GPNMB: variants seen among roughly 807,000 people sequenced by gnomAD.
GPNMB encodes glycoprotein nmb.
GPNMB carries 71 observed loss-of-function variants against 57.3 expected under a neutral mutation model. That is an observed-to-expected ratio of 1.24 (90% confidence interval 1.02 to 1.51). The LOEUF (loss-of-function observed/expected upper bound fraction) is 1.51. GPNMB is among the 40% of genes most tolerant of loss of function. The pLI, the probability that GPNMB is intolerant of heterozygous loss-of-function variation, is 0.00. For missense variants in GPNMB, 677 were observed against 691.9 expected, an observed-to-expected ratio of 0.98 and a Z score of 0.24; for synonymous variants, 253 against 263.2, an observed-to-expected ratio of 0.96 and a Z score of 0.38.
chr7:23,269,937 G>C, intron 8 of GPNMB, 30 bp from the exon 9 acceptor site: 1 of 1,535,284 alleles, frequency 6.5e-7, no homozygotes, highest in Admixed American at 1.7e-5. Flanking sequence ...TCTGTGCCCT[G>C]TGCGCCCTCG....
At chr7:23,248,774 G>C (rs1782595522) in intron 1 of GPNMB, among the ~76,000 whole-genome samples, 1 of 149,248 alleles carries the variant, frequency 6.7e-6, no homozygotes, top group African/African-American at 2.5e-5. Flanking sequence ...GCTTACTATT[G>C]GGTTTTTTTT....
chr7:23,260,050 G>T lies in GPNMB; in HGVS notation c.612G>T (p.Gly204=). The change falls in exon 5 of 11, where the codon GGG becomes GGT. Residue 204 remains glycine (G), a synonymous_variant. Coordinates refer to ENST00000258733, the MANE Select transcript of GPNMB (RefSeq NM_002510.3). ...TGAACACAGCCAATGTGACACTTGG[G>T]CCTCAACTCATGGAAGTGACTGTCT... is the stretch of plus-strand genomic sequence containing the variant. ...VSVNTANVTL[G]PQLMEVTVYR... 1 of 1,613,930 alleles carries T rather than the reference G, an allele frequency of 6.2e-7. No individual in the cohort carries two copies. The highest frequency in any genetic ancestry group is 8.5e-7 in the Non-Finnish European group (1 of 1,179,796).
intron 1 of GPNMB, 103 bp downstream of exon 1, chr7:23,247,030 G>A: frequency 1.1e-6 from 1 of 886,374 alleles, no homozygotes; most frequent in Non-Finnish European, 1.9e-6. Context: ...AAGTTCTTCA[G>A]GAAGCTTTCA....
intron 1 of GPNMB, among the ~76,000 whole-genome samples, chr7:23,248,256 G>A (rs199358): frequency 0.045 from 6,915 of 152,218 alleles, 236 homozygotes; most frequent in South Asian, 0.1. Flanking sequence ...CCCACCCTCA[G>A]GATACCTCCC....
chr7:23,264,358 A>G lies in GPNMB; in HGVS notation c.1019-2159A>G, dbSNP rs1783007256. Among the ~76,000 whole-genome samples, 3 of 151,922 alleles carry G rather than the reference A, an allele frequency of 2.0e-5. No homozygotes were observed. The South Asian group carries it at 6.2e-4, about 32-fold the overall frequency. ...AGACACAATGTTTGCGAAGCTCCAT[A>G]TGCTTTTTTATTTTTATTTTTATTT... On this transcript the variant is annotated intron_variant, in intron 6 of 10. Transcript: ENST00000258733.
intron 8 of GPNMB, among the ~76,000 whole-genome samples, chr7:23,268,419 C>G (rs1783122086): frequency 6.6e-6 from 1 of 152,148 alleles, no homozygotes; most frequent in Non-Finnish European, 1.5e-5. Context: ...CTCTTAAGCT[C>G]CCAGGTAGTT....
In GPNMB at chr7:23,262,071, T is replaced by C. The variant is rs535445344; in HGVS notation, c.1018+1298T>C. On this transcript the variant is annotated intron_variant, in intron 6 of 10. Coordinates refer to ENST00000258733, the MANE Select transcript of GPNMB (RefSeq NM_002510.3). ...GGACCAAGCCCACGACGGTCCATCA[T>C]GACGTCTGGGGCTTCTTGTTTTTAC... is the stretch of plus-strand genomic sequence containing the variant. 1.2e-3 allele frequency among the ~76,000 whole-genome samples: 187 copies of C among 152,214 alleles called. 2 individuals carry two copies. The highest frequency in any genetic ancestry group is 0.011 in the East Asian group (55 of 5,188).
intron 5 of GPNMB, 27 bp downstream of exon 5, chr7:23,260,165 A>C (rs147861868): frequency 6.2e-7 from 1 of 1,610,094 alleles, no homozygotes; most frequent in Non-Finnish European, 8.5e-7. Context: ...CTAACTGAGG[A>C]TGAGGCACTT....
At chr7:23,258,680 C>G (rs1401201908) in intron 4 of GPNMB, among the ~76,000 whole-genome samples, 1 of 152,182 alleles carries the variant, frequency 6.6e-6, no homozygotes, top group African/African-American at 2.4e-5. Flanking sequence ...GATATTCTCC[C>G]TCAACTAAGT....
chr7:23,262,916 G>T (rs147845053), intron 6 of GPNMB, among the ~76,000 whole-genome samples: 1 of 151,936 alleles, frequency 6.6e-6, no homozygotes, highest in Non-Finnish European at 1.5e-5. Context: ...CACTGTGCCC[G>T]GCCCACCATT....
chr7:23,256,027 G>A (rs777494905), intron 3 of GPNMB, among the ~76,000 whole-genome samples: 20 of 151,804 alleles, frequency 1.3e-4, no homozygotes, highest in Non-Finnish European at 2.8e-4. Context: ...CTGCCTCGGC[G>A]TCCCAAGTAG....
intron 1 of GPNMB, chr7:23,250,659 C>T (rs966235173): frequency 6.6e-6 from 1 of 152,096 alleles, no homozygotes; most frequent in Non-Finnish European, 1.5e-5. Flanking sequence ...TCCCTTGTAA[C>T]TCTCCTTTTA....
chr7:23,256,856 A>G, intron 3 of GPNMB, 36 bp from the exon 4 acceptor site: 1 of 1,584,770 alleles, frequency 6.3e-7, no homozygotes, highest in Non-Finnish European at 8.7e-7. Context: ...TTCTGAGCCT[A>G]GATAACACTC....
intron 7 of GPNMB, 149 bp from the exon 8 acceptor site, chr7:23,267,737 G>T (rs749937697): frequency 3.1e-6 from 2 of 649,090 alleles, no homozygotes; most frequent in Non-Finnish European, 5.5e-6. Context: ...ACCTCCCAAA[G>T]ACCCCCCTCC....
intron 7 of GPNMB, 73 bp from the exon 8 acceptor site, chr7:23,267,813 C>T: frequency 3.0e-6 from 3 of 1,002,784 alleles, no homozygotes; most frequent in South Asian, 1.3e-5. Flanking sequence ...CAATCTATAC[C>T]AGAGTGATTG....
chr7:23,260,248 C>T (rs79798727), intron 5 of GPNMB, 110 bp downstream of exon 5: 6 of 1,159,884 alleles, frequency 5.2e-6, no homozygotes, highest in Non-Finnish European at 7.5e-6. Flanking sequence ...ATGCATCTGG[C>T]CCACCTAAGC....
chr7:23,263,260 C>T (rs1782973327), intron 6 of GPNMB, among the ~76,000 whole-genome samples: 1 of 152,036 alleles, frequency 6.6e-6, no homozygotes, highest in South Asian at 2.1e-4. Flanking sequence ...ATATTTGAAG[C>T]CAATGAAAAG....
chr7:23,248,176 C>T (rs372653938), intron 1 of GPNMB, among the ~76,000 whole-genome samples: 3 of 152,286 alleles, frequency 2.0e-5, no homozygotes, highest in East Asian at 3.9e-4. Flanking sequence ...TAATTGTGTT[C>T]TTGTGAGATC....
chr7:23,260,646 T>C lies in GPNMB; in HGVS notation c.891T>C (p.His297=), dbSNP rs1583825573. 1 of 1,614,054 alleles carries C rather than the reference T, an allele frequency of 6.2e-7. No individual in the cohort carries two copies. Among genetic ancestry groups the C allele is most frequent in the South Asian group, 1.1e-5 (1 of 91,066 alleles). ...CTGGCCTGTTTGTTTCCACCAATCA[T>C]ACTGTGAATCACACGTATGTGCTCA... ...DNTGLFVSTN[H]TVNHTYVLNG... The change falls in exon 6 of 11, where the codon CAT becomes CAC. Residue 297 remains histidine (H), a synonymous_variant. Coordinates refer to ENST00000258733, the MANE Select transcript of GPNMB (RefSeq NM_002510.3).
Sources: allele counts gnomAD v4.1 joint callset (sites outside exome capture counted in the v4.1 genomes callset), GRCh38; gene constraint gnomAD v4.1.1; transcripts MANE v1.5; gene names NCBI Gene and HGNC (gene_info 2026-07-23, HGNC 2026-07-21).